The following CDH7 variants were observed in gnomAD, a reference collection of about 807,000 sequenced individuals.
CDH7 encodes the protein cadherin 7, also known as cadherin-7.
CDH7 carries 25 observed loss-of-function variants against 71.8 expected under a neutral mutation model. The ratio of observed to expected loss-of-function variants is 0.35; its 90% confidence interval spans 0.25 to 0.49. The LOEUF (loss-of-function observed/expected upper bound fraction) is 0.49. Ranked by LOEUF, CDH7 falls within the 20% of genes least tolerant of loss-of-function variation. The pLI is 0.99. For synonymous variants in CDH7, 381 were observed against 363.8 expected (o/e 1.05, Z -0.54); for missense variants, 862 against 974.6 (o/e 0.88, Z 1.54).
At chr18:65,869,219 A>G (rs113760547) in intron 11 of CDH7, among the ~76,000 whole-genome samples, 21,906 of 74,774 alleles carry the variant, frequency 0.29, 2,121 homozygotes, top group Non-Finnish European at 0.4. Flanking sequence ...ATTTTTGTCC[A>G]GGGTCTTTTT....
At chr18:65,817,167 G>A (rs1911752049) in intron 4 of CDH7, among the ~76,000 whole-genome samples, 1 of 152,164 alleles carries the variant, frequency 6.6e-6, no homozygotes, top group South Asian at 2.1e-4. Context: ...AACATCATTT[G>A]TCATTTAGGA....
intron 2 of CDH7, among the ~76,000 whole-genome samples, chr18:65,782,161 T>TCTTC: frequency 8.9e-6 from 1 of 112,198 alleles, no homozygotes; most frequent in Non-Finnish European, 1.7e-5. Flanking sequence ...TTTCTTTCTT[T>TCTTC]CTTCCTTTCT....
At chr18:65,826,042 T>A (rs1912117143) in intron 6 of CDH7, among the ~76,000 whole-genome samples, 1 of 151,566 alleles carries the variant, frequency 6.6e-6, no homozygotes, top group Non-Finnish European at 1.5e-5. Context: ...GCAGCATGAA[T>A]CTTTGAAAAT....
intron 6 of CDH7, among the ~76,000 whole-genome samples, chr18:65,839,666 C>T (rs948600797): frequency 2.0e-5 from 3 of 152,118 alleles, no homozygotes; most frequent in South Asian, 2.1e-4. Context: ...ATGGGTAAGG[C>T]GTTTATGGAA....
intron 4 of CDH7, among the ~76,000 whole-genome samples, chr18:65,820,095 A>G (rs78246700): frequency 0.03 from 1,302 of 43,570 alleles, 30 homozygotes; most frequent in African/African-American, 0.061. Flanking sequence ...ATACTTAAAA[A>G]CAGCTTTTGA....
chr18:65,857,323 A>AATAATC (rs1289685375), intron 7 of CDH7, among the ~76,000 whole-genome samples: 14 of 22,342 alleles, frequency 6.3e-4, no homozygotes, highest in Non-Finnish European at 1.6e-3. Flanking sequence ...CATCTATAAT[A>AATAATC]ATAATAATAA....
intron 11 of CDH7, among the ~76,000 whole-genome samples, chr18:65,877,840 T>A (rs1914116209): frequency 6.6e-6 from 1 of 152,242 alleles, no homozygotes; most frequent in South Asian, 2.1e-4. Context: ...TAATTGTTTA[T>A]TCATCCATGT....
chr18:65,809,274 A>G lies in CDH7; in HGVS notation c.211-430A>G, dbSNP rs115981480. Among the ~76,000 whole-genome samples, 1,085 of 152,272 alleles carry G rather than the reference A, an allele frequency of 7.1e-3. 12 individuals are homozygous for G. Among genetic ancestry groups the G allele is most frequent in the African/African-American group, 0.025 (1,040 of 41,534 alleles). On this transcript the variant is annotated intron_variant, in intron 2 of 11. Coordinates refer to ENST00000397968, the MANE Select transcript of CDH7 (RefSeq NM_004361.5). ...ACCCTTAAATAATATGGGGGTTTCTAAGCATATTAAATGGTATATTGGAAC... is the reference window on the plus strand; with the variant it reads ...ACCCTTAAATAATATGGGGGTTTCTGAGCATATTAAATGGTATATTGGAAC...
chr18:65,839,279 G>A (rs1408437351), intron 6 of CDH7, among the ~76,000 whole-genome samples: 3 of 152,168 alleles, frequency 2.0e-5, no homozygotes, highest in Non-Finnish European at 4.4e-5. Context: ...TCTCACAGCT[G>A]TGGAGGCTGA....
intron 7 of CDH7, among the ~76,000 whole-genome samples, chr18:65,852,594 A>G (rs953420968): frequency 1.3e-5 from 2 of 152,100 alleles, no homozygotes; most frequent in East Asian, 3.9e-4. Flanking sequence ...AACAGCTATC[A>G]CTCATGCTTT....
chr18:65,874,801 T>C (rs184894227), intron 11 of CDH7, among the ~76,000 whole-genome samples: 1 of 152,212 alleles, frequency 6.6e-6, no homozygotes, highest in East Asian at 1.9e-4. Context: ...GGTACCATTT[T>C]GTGATGATCA....
In CDH7 at chr18:65,857,895, T is replaced by C. The variant is rs563828623; in HGVS notation, c.1315T>C (p.Ser439Pro). ...ANSGVITTAK[S>P]LDRETNAIHN... is the part of the protein sequence containing the mutation. ...CAGTGGGGTCATCACAACTGCCAAG[T>C]CTTTGGATCGAGAGACAAATGCTAT... The change falls in exon 8 of 12, where the codon TCT becomes CCT. Residue 439 changes from serine to proline, a missense_variant. By Grantham distance (74) the Ser-to-Pro change is moderately conservative. Transcript: ENST00000397968. The C allele has an allele frequency of 6.2e-7, 1 of 1,613,720 alleles. No individual in the cohort carries two copies. The highest frequency in any genetic ancestry group is 1.1e-5 in the South Asian group (1 of 91,072).
rs34492758 is a variant in CDH7, at chr18:65,779,302, A to ATT, written c.210+16262_210+16263dup. ...AGTCATTATTTGTACAGCTGTGTGA[A>ATT]TTTTTTTTTTTTTATTATACTCTAA... On this transcript the variant is annotated intron_variant, in intron 2 of 11. Coordinates refer to ENST00000397968, the MANE Select transcript of CDH7 (RefSeq NM_004361.5). Among the ~76,000 whole-genome samples the ATT allele has an allele frequency of 7.2e-3, 674 of 93,078 alleles. 6 individuals are homozygous for ATT. Among genetic ancestry groups the ATT allele is most frequent in the African/African-American group, 0.033 (605 of 18,448 alleles). 61.1% of individuals were successfully genotyped at this position (93,078 alleles called of 152,430 possible).
chr18:65,850,120 C>T (rs1026945757), intron 7 of CDH7, among the ~76,000 whole-genome samples: 1 of 150,310 alleles, frequency 6.7e-6, no homozygotes. Flanking sequence ...GCTGAGATCA[C>T]GCCACTGCAC....
At chr18:65,783,855 TAA>T (rs1032996050) in intron 2 of CDH7, among the ~76,000 whole-genome samples, 1 of 151,932 alleles carries the variant, frequency 6.6e-6, no homozygotes, top group African/African-American at 2.4e-5. Context: ...AAATCAAATT[TAA>T]AAAAGAGTGT....
intron 1 of CDH7, among the ~76,000 whole-genome samples, chr18:65,751,740 C>T (rs985471630): frequency 4.6e-5 from 7 of 152,242 alleles, no homozygotes; most frequent in East Asian, 1.9e-4. Flanking sequence ...ATCCTGCGTC[C>T]CCTCCGCCTG....
At chr18:65,809,587 T>C in intron 2 of CDH7, 117 bp from the exon 3 acceptor site, 1 of 841,466 alleles carries the variant, frequency 1.2e-6, no homozygotes, top group Non-Finnish European at 1.9e-6. Context: ...TCAGCTTATC[T>C]TTCCAAGAAC....
chr18:65,826,259 A>T (rs1912127173), intron 6 of CDH7, among the ~76,000 whole-genome samples: 1 of 151,428 alleles, frequency 6.6e-6, no homozygotes, highest in South Asian at 2.1e-4. Flanking sequence ...ATAGAAAAAC[A>T]TCACAAATAA....
intron 6 of CDH7, among the ~76,000 whole-genome samples, chr18:65,825,925 G>T (rs1912113500): frequency 6.6e-6 from 1 of 151,682 alleles, no homozygotes; most frequent in African/African-American, 2.4e-5. Flanking sequence ...GCTGCTCAAA[G>T]ATTTCAAAGA....
Sources: gnomAD v4.1 joint callset for allele counts (sites outside exome capture counted in the v4.1 genomes callset) on GRCh38, gnomAD v4.1.1 for gene constraint, MANE v1.5 for transcripts, NCBI Gene and HGNC (gene_info 2026-07-23, HGNC 2026-07-21) for gene names.